STRN3: variants seen among roughly 807,000 people sequenced by gnomAD.
The protein encoded by STRN3 is striatin 3, also known as striatin-3.
A neutral mutation model predicts 95.6 loss-of-function variants in STRN3; 29 were observed. The ratio of observed to expected loss-of-function variants is 0.30; its 90% CI spans 0.23 to 0.41. The LOEUF is 0.41. Ranked by LOEUF, STRN3 falls within the 10% of genes least tolerant of loss-of-function variation. The probability of loss-of-function intolerance (pLI) is 1.00; values close to 1 mark genes in which losing one functional copy is unlikely to be tolerated. For missense variants in STRN3, 890 were observed against 972.1 expected (o/e 0.92, Z 1.12); for synonymous variants, 331 against 357.6 (o/e 0.93, Z 0.84).
At chr14:31,017,298 G>C (rs1317407092) in intron 1 of STRN3, among the ~76,000 whole-genome samples, 2 of 150,968 alleles carry the variant, frequency 1.3e-5, no homozygotes, top group African/African-American at 4.9e-5. Context: ...AGGAGATCGA[G>C]ACCATCCTGG....
chr14:30,996,000 A>C (rs1450888414), intron 1 of STRN3, among the ~76,000 whole-genome samples: 1 of 152,216 alleles, frequency 6.6e-6, no homozygotes, highest in Non-Finnish European at 1.5e-5. Context: ...ACTTAGGACA[A>C]TTCTGAGGGC....
intron 1 of STRN3, among the ~76,000 whole-genome samples, chr14:30,970,850 T>C (rs1397034634): frequency 6.6e-6 from 1 of 152,260 alleles, no homozygotes; most frequent in East Asian, 1.9e-4. Flanking sequence ...GTTATGTTTG[T>C]GCGCACGGCA....
chr14:30,994,762 G>A (rs767177981), intron 1 of STRN3, among the ~76,000 whole-genome samples: 1 of 152,172 alleles, frequency 6.6e-6, no homozygotes, highest in Non-Finnish European at 1.5e-5. Flanking sequence ...GGAATGACTG[G>A]ACTACTGAGT....
chr14:30,977,235 T>C (rs979987293), intron 1 of STRN3, among the ~76,000 whole-genome samples: 8 of 151,454 alleles, frequency 5.3e-5, no homozygotes, highest in Non-Finnish European at 1.0e-4. Flanking sequence ...TCAAAATAAA[T>C]ACATATATGA....
At chr14:30,943,880 G>A (rs1235213673) in intron 5 of STRN3, among the ~76,000 whole-genome samples, 1 of 152,016 alleles carries the variant, frequency 6.6e-6, no homozygotes, top group African/African-American at 2.4e-5. Context: ...CCGGAGGGAG[G>A]AGGAAATGGG....
intron 1 of STRN3, among the ~76,000 whole-genome samples, chr14:31,005,191 G>C (rs1396685729): frequency 6.6e-6 from 1 of 152,116 alleles, no homozygotes; most frequent in Non-Finnish European, 1.5e-5. Flanking sequence ...AATTAGCCGG[G>C]CATGGTGGCA....
intron 1 of STRN3, among the ~76,000 whole-genome samples, chr14:30,974,560 T>C (rs561789062): frequency 1.6e-5 from 2 of 128,662 alleles, no homozygotes; most frequent in Non-Finnish European, 3.3e-5. Flanking sequence ...GAAAAATCCA[T>C]CATAAAATTC....
chr14:30,990,465 G>A (rs1458631927), intron 1 of STRN3, among the ~76,000 whole-genome samples: 3 of 152,048 alleles, frequency 2.0e-5, no homozygotes, highest in Non-Finnish European at 4.4e-5. Flanking sequence ...ACCGCGCCCG[G>A]CCAAAGGGCA....
chr14:31,016,504 A>G (rs1452182572), intron 1 of STRN3, among the ~76,000 whole-genome samples: 2 of 152,088 alleles, frequency 1.3e-5, no homozygotes, highest in Admixed American at 1.3e-4. Context: ...ACAGATTCAA[A>G]CAATGGCAAG....
chr14:30,933,898 A>G (rs1878682336), intron 7 of STRN3, among the ~76,000 whole-genome samples: 1 of 152,226 alleles, frequency 6.6e-6, no homozygotes, highest in South Asian at 2.1e-4. Flanking sequence ...TCTTGCTATT[A>G]GCAATACTTA....
At chr14:30,914,679 T>G (rs968751048) in intron 9 of STRN3, among the ~76,000 whole-genome samples, 15 of 110,820 alleles carry the variant, frequency 1.4e-4, no homozygotes, top group African/African-American at 4.5e-4. Context: ...GCTTTGACTA[T>G]GACTTTTATT....
In STRN3 at chr14:30,956,224, G is replaced by A; in HGVS notation, c.301C>T (p.Gln101Ter). The change falls in exon 2 of 18, where the codon CAA becomes TAA. Residue 101 changes from glutamine to a stop codon, truncating the protein, a stop_gained. Transcript: ENST00000357479. LOFTEE classifies it high-confidence loss of function. ...TTCTCTTGACCTTTTCTTTCGCCTT[G>A]TAGAAATGCAATCCGGGCCTAAAAA... The part of the protein sequence containing the change: ...AELQARIAFL[Q>*]GERKGQENLK... 2 of 1,613,650 alleles carry A rather than the reference G, an allele frequency of 1.2e-6. No individual in the cohort carries two copies. Among genetic ancestry groups the A allele is most frequent in the Non-Finnish European group, 1.7e-6 (2 of 1,179,872 alleles).
intron 5 of STRN3, among the ~76,000 whole-genome samples, chr14:30,940,912 T>C (rs920105333): frequency 6.6e-6 from 1 of 152,138 alleles, no homozygotes; most frequent in Admixed American, 6.5e-5. Context: ...GCAAAATTCC[T>C]ATTTTGAAAC....
chr14:31,022,997 A>G (rs1205941087), intron 1 of STRN3, among the ~76,000 whole-genome samples: 1 of 152,072 alleles, frequency 6.6e-6, no homozygotes, highest in African/African-American at 2.4e-5. Context: ...TGAATTTTCC[A>G]TTTTCAGGGT....
intron 9 of STRN3, among the ~76,000 whole-genome samples, chr14:30,916,565 G>A (rs1375833866): frequency 1.3e-5 from 2 of 151,994 alleles, no homozygotes; most frequent in Admixed American, 6.6e-5. Flanking sequence ...GTGAGCCACC[G>A]CGCCCGGCCT....
intron 1 of STRN3, among the ~76,000 whole-genome samples, chr14:30,957,468 A>AAGAG (rs10656199): frequency 0.94 from 130,760 of 139,022 alleles, 61,572 homozygotes; most frequent in East Asian, 0.99. Flanking sequence ...AAAAAAAAAA[A>AAGAG]AGAGAGAGAG....
At chr14:30,901,013 T>TA in intron 16 of STRN3, among the ~76,000 whole-genome samples, 1 of 152,308 alleles carries the variant, frequency 6.6e-6, no homozygotes, top group East Asian at 1.9e-4. Context: ...CATATAACTG[T>TA]AAATCTTCAA....
At chr14:30,929,148 T>A in intron 8 of STRN3, 53 bp downstream of exon 8, 1 of 1,453,226 alleles carries the variant, frequency 6.9e-7, no homozygotes, top group Non-Finnish European at 9.3e-7. Context: ...TTGAAGAACT[T>A]TTTTCTCAAT....
intron 12 of STRN3, 98 bp from the exon 13 acceptor site, chr14:30,911,260 A>T: frequency 1.5e-6 from 2 of 1,363,930 alleles, no homozygotes; most frequent in East Asian, 5.0e-5. Context: ...AATATCTAAA[A>T]ACTGTTTTAA....
Sources: allele counts gnomAD v4.1 joint callset (sites outside exome capture counted in the v4.1 genomes callset), GRCh38; gene constraint gnomAD v4.1.1; transcripts MANE v1.5; gene names NCBI Gene and HGNC (gene_info 2026-07-23, HGNC 2026-07-21).